The following ANKH variants were observed in gnomAD, a reference collection of about 807,000 sequenced individuals.
ANKH encodes the protein mineralization regulator ANKH.
Under a neutral mutation model 49.0 loss-of-function variants are expected in ANKH, and 15 were observed. That is an observed-to-expected ratio of 0.31 (90% confidence interval 0.20 to 0.47). The LOEUF (loss-of-function observed/expected upper bound fraction) is 0.47, where lower values mean the gene tolerates loss of function less well. ANKH is among the 20% of genes least tolerant of loss of function. ANKH has a pLI of 1.00. For synonymous variants in ANKH, 273 were observed against 260.0 expected (o/e 1.05, Z -0.48); for missense variants, 429 against 652.0 (o/e 0.66, Z 3.72).
intron 3 of ANKH, among the ~76,000 whole-genome samples, chr5:14,756,592 G>C (rs1032166525): frequency 6.6e-6 from 1 of 152,232 alleles, no homozygotes; most frequent in African/African-American, 2.4e-5. Context: ...CACTTCATCT[G>C]AGCTACGCAC....
intron 1 of ANKH, chr5:14,798,421 G>C: frequency 6.5e-7 from 1 of 1,547,936 alleles, no homozygotes; most frequent in East Asian, 2.4e-5. Context: ...CGAGCCGGGG[G>C]AATCCTGGGG....
At chr5:14,750,243 A>T (rs753527522) in intron 5 of ANKH, among the ~76,000 whole-genome samples, 1 of 152,244 alleles carries the variant, frequency 6.6e-6, no homozygotes, top group Non-Finnish European at 1.5e-5. Flanking sequence ...AAACCTAATG[A>T]TGTCTCATAC....
rs77593014 is a variant in ANKH at position 14,712,465 on chromosome 5, C to G, written c.1365+409G>C. On this transcript the variant is annotated intron_variant, in intron 11 of 11. Coordinates refer to ENST00000284268, the MANE Select transcript of ANKH (RefSeq NM_054027.6). ...TCCGCCCATGACCAGAGAGGCTGCC[C>G]GAGCTCCTGTCTTGGACTGCCCAGT... Among the ~76,000 whole-genome samples the G allele has an allele frequency of 1.7e-3, 255 of 152,366 alleles. 5 individuals are homozygous for G. In the East Asian group the frequency reaches 0.047, roughly 28 times the overall value.
At chr5:14,728,172 G>T (rs1259356977) in intron 8 of ANKH, among the ~76,000 whole-genome samples, 1 of 152,242 alleles carries the variant, frequency 6.6e-6, no homozygotes, top group Non-Finnish European at 1.5e-5. Context: ...CGCCAACAGC[G>T]CTCCATATGT....
In ANKH at chr5:14,722,475, T is replaced by C. The variant is rs567383715; in HGVS notation, c.1012-5640A>G. ...CATTCTAGGACCAAGGCAGAGAATA[T>C]GCAAGATGATTCGCTTGGAGCATCT... is the stretch of plus-strand genomic sequence containing the variant. On this transcript the variant is annotated intron_variant, in intron 8 of 11. Coordinates refer to ENST00000284268, the MANE Select transcript of ANKH (RefSeq NM_054027.6). Among the ~76,000 whole-genome samples the C allele has an allele frequency of 5.0e-4, 76 of 152,262 alleles. 2 individuals carry two copies. The South Asian group carries it at 0.016, about 32-fold the overall frequency.
intron 1 of ANKH, among the ~76,000 whole-genome samples, chr5:14,787,042 G>A (rs920397375): frequency 6.6e-6 from 1 of 152,186 alleles, no homozygotes; most frequent in Non-Finnish European, 1.5e-5. Context: ...GGCCGGGTGC[G>A]GTGGCTCACG....
chr5:14,716,930 AAG>A (rs1737489135), intron 8 of ANKH, 95 bp from the exon 9 acceptor site: 2 of 1,517,794 alleles, frequency 1.3e-6, no homozygotes, highest in African/African-American at 1.4e-5. Context: ...AGAGTTACGA[AAG>A]AGGGACAACC....
At position 14,797,556 on chromosome 5, in the gene ANKH, C is replaced by T. The variant is rs148292871; in HGVS notation, c.97-28365G>A. The stretch of plus-strand genomic sequence containing the variant: ...GGCAAGAATGAACTCACTATAAGGA[C>T]TGAAAGAAAGGCAGTTCACTTCAGC... On this transcript the variant is annotated intron_variant, in intron 1 of 11. Coordinates refer to ENST00000284268, the MANE Select transcript of ANKH (RefSeq NM_054027.6). The T allele has an allele frequency of 5.5e-4, 882 of 1,610,898 alleles. 2 individuals carry two copies. The highest frequency in any genetic ancestry group is 7.0e-4 in the Non-Finnish European group (829 of 1,178,836).
intron 2 of ANKH, among the ~76,000 whole-genome samples, chr5:14,762,114 C>T (rs1739105973): frequency 6.6e-6 from 1 of 152,152 alleles, no homozygotes; most frequent in South Asian, 2.1e-4. Flanking sequence ...AGGAGCACTC[C>T]CCAAGGCCAC....
chr5:14,754,083 G>C (rs1044402933), intron 4 of ANKH, among the ~76,000 whole-genome samples: 1 of 152,208 alleles, frequency 6.6e-6, no homozygotes, highest in Non-Finnish European at 1.5e-5. Flanking sequence ...AAGCAACAAG[G>C]TTTAAAATAA....
intron 1 of ANKH, among the ~76,000 whole-genome samples, chr5:14,781,921 C>A (rs1739819013): frequency 6.6e-6 from 1 of 152,176 alleles, no homozygotes; most frequent in South Asian, 2.1e-4. Flanking sequence ...ACCACCAACT[C>A]CAGAAACAAC....
At chr5:14,723,704 CAG>C (rs1737739472) in intron 8 of ANKH, among the ~76,000 whole-genome samples, 1 of 152,198 alleles carries the variant, frequency 6.6e-6, no homozygotes, top group African/African-American at 2.4e-5. Flanking sequence ...TGTTATTTGA[CAG>C]ACTGTGATTC....
intron 8 of ANKH, among the ~76,000 whole-genome samples, chr5:14,718,601 A>G (rs1737561289): frequency 6.6e-6 from 1 of 152,126 alleles, no homozygotes; most frequent in African/African-American, 2.4e-5. Context: ...ACCTGATGTC[A>G]GGAGTTCGAG....
At chr5:14,834,467 T>A (rs1230061118) in intron 1 of ANKH, among the ~76,000 whole-genome samples, 1 of 152,162 alleles carries the variant, frequency 6.6e-6, no homozygotes, top group Non-Finnish European at 1.5e-5. Flanking sequence ...ACTAGGGAAT[T>A]TCTTAAGATT....
At chr5:14,720,600 A>G (rs903320035) in intron 8 of ANKH, among the ~76,000 whole-genome samples, 1 of 152,196 alleles carries the variant, frequency 6.6e-6, no homozygotes. Context: ...GTAAAACTGT[A>G]AAGAATTGAG....
In ANKH at chr5:14,713,393, C is replaced by T. The variant is rs879573392; in HGVS notation, c.1265+151G>A. The T allele has an allele frequency of 8.5e-7, 1 of 1,181,582 alleles. No individual in the cohort carries two copies. The highest frequency in any genetic ancestry group is 1.3e-5 in the South Asian group (1 of 74,924). The allele number at this position is 1,181,582 out of a possible 1,614,324, so 73.2% of individuals were successfully genotyped here. On this transcript the variant is annotated intron_variant, in intron 10 of 11. Coordinates refer to ENST00000284268, the MANE Select transcript of ANKH (RefSeq NM_054027.6). This position sits in a 1 kb window ranked among gnomAD's most constrained non-coding sequence, Gnocchi z 4.4. ...TAAAATGGATCCCAAGAGCCTCCACCTGGTGCCTGGGCAGACACACAAAAC... is the reference window on the plus strand; with the variant it reads ...TAAAATGGATCCCAAGAGCCTCCACTTGGTGCCTGGGCAGACACACAAAAC...
At chr5:14,859,420 A>G (rs1462979389) in intron 1 of ANKH, among the ~76,000 whole-genome samples, 2 of 152,196 alleles carry the variant, frequency 1.3e-5, no homozygotes, top group Non-Finnish European at 2.9e-5. Context: ...TAGTTTTTTA[A>G]TGCAGGCTTT....
chr5:14,867,365 T>C (rs1040879587), intron 1 of ANKH, among the ~76,000 whole-genome samples: 2 of 152,078 alleles, frequency 1.3e-5, no homozygotes, highest in Non-Finnish European at 2.9e-5. Context: ...CTCATATATA[T>C]CATATGCTGA....
chr5:14,775,943 C>G (rs1417329797), intron 1 of ANKH, among the ~76,000 whole-genome samples: 1 of 152,188 alleles, frequency 6.6e-6, no homozygotes, highest in Non-Finnish European at 1.5e-5. Context: ...CCAGGCCAGA[C>G]AAGGTGCGGC....
Sources: allele counts gnomAD v4.1 joint callset (sites outside exome capture counted in the v4.1 genomes callset), GRCh38; gene constraint gnomAD v4.1.1; non-coding constraint Gnocchi (gnomAD v3.1); transcripts MANE v1.5; gene names NCBI Gene and HGNC (gene_info 2026-07-23, HGNC 2026-07-21).